The following RALGPS1 variants were observed in gnomAD, a reference collection of about 807,000 sequenced individuals.
The protein encoded by RALGPS1 is ras-specific guanine nucleotide-releasing factor RalGPS1.
A neutral mutation model predicts 78.8 loss-of-function variants in RALGPS1; 19 were observed. The observed-to-expected ratio is 0.24, with a 90% confidence interval of 0.17 to 0.35. The LOEUF (loss-of-function observed/expected upper bound fraction) is 0.35. Ranked by LOEUF, RALGPS1 falls within the 10% of genes least tolerant of loss-of-function variation. The pLI is 1.00. For missense variants in RALGPS1, 454 were observed against 688.3 expected, an observed-to-expected ratio of 0.66 and a Z score of 3.81; for synonymous variants, 228 against 256.3, an observed-to-expected ratio of 0.89 and a Z score of 1.06.
chr9:127,057,710 A>C (rs1192387100), intron 7 of RALGPS1, among the ~76,000 whole-genome samples: 30 of 152,234 alleles, frequency 2.0e-4, no homozygotes, highest in Admixed American at 2.0e-3. Flanking sequence ...TTTCCTGAGT[A>C]CACATCACCG....
In RALGPS1 at chr9:126,993,272, T is replaced by C. The variant is rs144529066; in HGVS notation, c.216+15527T>C. Reference sequence around the variant, plus strand: ...TATCTTTTTTGTATATTGTTGGATTTGATTTGTTAAAATTGTGTTTAGAAT... The same window carrying C: ...TATCTTTTTTGTATATTGTTGGATTCGATTTGTTAAAATTGTGTTTAGAAT... On this transcript the variant is annotated intron_variant, in intron 4 of 18. Transcript: ENST00000259351. 8.0e-3 allele frequency among the ~76,000 whole-genome samples: 1,214 copies of C among 152,360 alleles called. 23 individuals are homozygous for C. Among genetic ancestry groups the C allele is most frequent in the African/African-American group, 0.028 (1,147 of 41,584 alleles).
Position 126,958,142 on chromosome 9 carries a change from A to AAAAAAAAAATAT in RALGPS1, c.-65-4082_-65-4081insAAAAAAAATATA, listed in dbSNP as rs113413659. Among the ~76,000 whole-genome samples, 357 of 76,788 alleles carry AAAAAAAAAATAT rather than the reference A, an allele frequency of 4.6e-3. 2 individuals carry two copies. Among genetic ancestry groups the AAAAAAAAAATAT allele is most frequent in the Non-Finnish European group, 6.5e-3 (233 of 36,114 alleles). The allele number at this position is 76,788 out of a possible 152,430, so 50.4% of individuals were successfully genotyped here. On this transcript the variant is annotated intron_variant, in intron 1 of 18. Transcript: ENST00000259351. Reference sequence around the variant, plus strand: ...CTGTCTCTTTAAAAAAAAAAAAAAAAATATATATATATATATACACACACA... The same window carrying AAAAAAAAAATAT: ...CTGTCTCTTTAAAAAAAAAAAAAAAAAAAAAAAAATATATATATATATATATATACACACACA...
Position 126,962,274 on chromosome 9 carries a change from C to T in RALGPS1, c.-16C>T, listed in dbSNP as rs200893745. 193 of 1,614,060 alleles carry T rather than the reference C, an allele frequency of 1.2e-4. 1 individual carries two copies. In the East Asian group the frequency reaches 3.9e-3, roughly 33 times the overall value. The stretch of plus-strand genomic sequence containing the variant: ...CCTGCAGAGGCTGCCCTGAAGCTCC[C>T]TGTGGCCTGGAGACTATGTACAAGA... On this transcript the variant is annotated 5_prime_UTR_variant, in exon 2 of 19. Transcript: ENST00000259351.
intron 5 of RALGPS1, among the ~76,000 whole-genome samples, chr9:127,043,612 T>C (rs1246411271): frequency 1.3e-5 from 2 of 152,186 alleles, no homozygotes; most frequent in Non-Finnish European, 1.5e-5. Flanking sequence ...GTTGGAACTT[T>C]ATGAAAATTA....
At chr9:127,192,350 A>G (rs906425591) in intron 11 of RALGPS1, among the ~76,000 whole-genome samples, 12 of 152,248 alleles carry the variant, frequency 7.9e-5, no homozygotes, top group African/African-American at 2.9e-4. Context: ...CGACTGGGCA[A>G]CCCACAGTGC....
chr9:127,126,166 C>T (rs531936905), intron 8 of RALGPS1, among the ~76,000 whole-genome samples: 9 of 152,056 alleles, frequency 5.9e-5, no homozygotes, highest in African/African-American at 2.2e-4. Flanking sequence ...CAACTCCCTG[C>T]TACCTTCAGT....
chr9:127,134,056 G>A (rs1222892706), intron 8 of RALGPS1, among the ~76,000 whole-genome samples: 8 of 151,682 alleles, frequency 5.3e-5, no homozygotes, highest in African/African-American at 1.7e-4. Flanking sequence ...GGAGCTTCAC[G>A]TAAGAAAGAA....
intron 8 of RALGPS1, chr9:127,088,872 G>A (rs2052089713): frequency 6.3e-7 from 1 of 1,578,928 alleles, no homozygotes; most frequent in African/African-American, 1.3e-5. Context: ...TGTTCTTTGT[G>A]CTGTGGCCAG....
At chr9:127,006,408 G>A (rs757992613) in intron 4 of RALGPS1, among the ~76,000 whole-genome samples, 9 of 152,314 alleles carry the variant, frequency 5.9e-5, no homozygotes, top group Non-Finnish European at 1.3e-4. Context: ...AATAGGCTTT[G>A]GGAGTGGTGA....
At chr9:127,135,603 C>T (rs913641511) in intron 8 of RALGPS1, among the ~76,000 whole-genome samples, 2 of 152,224 alleles carry the variant, frequency 1.3e-5, no homozygotes, top group Non-Finnish European at 2.9e-5. Context: ...CCACCTACTT[C>T]TGAGGGAACC....
At chr9:126,942,242 G>C (rs2036860596) in intron 1 of RALGPS1, among the ~76,000 whole-genome samples, 1 of 150,426 alleles carries the variant, frequency 6.6e-6, no homozygotes, top group African/African-American at 2.4e-5. Context: ...TTTTAATGTA[G>C]CTAAATCTAC....
chr9:127,127,423 C>G (rs2056697472), intron 8 of RALGPS1, among the ~76,000 whole-genome samples: 1 of 152,322 alleles, frequency 6.6e-6, no homozygotes, highest in East Asian at 1.9e-4. Context: ...AATTTGTTTT[C>G]TCACCCAAAC....
At chr9:127,216,920 T>C (rs2062618653) in intron 18 of RALGPS1, 2 of 1,546,828 alleles carry the variant, frequency 1.3e-6, no homozygotes, top group Non-Finnish European at 1.7e-6. Context: ...CCGGAGCAGC[T>C]CCAGGTCCAA....
intron 8 of RALGPS1, among the ~76,000 whole-genome samples, chr9:127,073,588 C>G (rs1031456297): frequency 3.9e-5 from 6 of 152,036 alleles, no homozygotes; most frequent in African/African-American, 1.5e-4. Flanking sequence ...AAGTACAGTA[C>G]TGGTTTCTTT....
chr9:127,081,708 C>A (rs952021920), intron 8 of RALGPS1, among the ~76,000 whole-genome samples: 1 of 152,220 alleles, frequency 6.6e-6, no homozygotes. Flanking sequence ...TCCAAGGAGC[C>A]CTCTCCTGGT....
intron 8 of RALGPS1, among the ~76,000 whole-genome samples, chr9:127,153,643 T>C (rs986053855): frequency 6.6e-6 from 1 of 152,186 alleles, no homozygotes; most frequent in Non-Finnish European, 1.5e-5. Context: ...TGCAGCTTCC[T>C]CTCCCCAATG....
intron 8 of RALGPS1, among the ~76,000 whole-genome samples, chr9:127,113,529 A>G (rs1367465154): frequency 3.0e-5 from 3 of 98,512 alleles, no homozygotes; most frequent in Non-Finnish European, 5.7e-5. Flanking sequence ...CATTCCAGCC[A>G]TCTTAGGACT....
intron 8 of RALGPS1, among the ~76,000 whole-genome samples, chr9:127,141,741 A>G (rs984567377): frequency 6.6e-6 from 1 of 152,080 alleles, no homozygotes; most frequent in Non-Finnish European, 1.5e-5. Context: ...ATTTTTTCCC[A>G]AGTAAGGACA....
intron 7 of RALGPS1, among the ~76,000 whole-genome samples, chr9:127,062,359 A>G (rs900503353): frequency 2.0e-5 from 3 of 152,128 alleles, no homozygotes; most frequent in Middle Eastern, 3.2e-3. Context: ...CAGCCTCCCA[A>G]AGTGCTGGGA....
Sources: allele counts gnomAD v4.1 joint callset (sites outside exome capture counted in the v4.1 genomes callset), GRCh38; gene constraint gnomAD v4.1.1; transcripts MANE v1.5; gene names NCBI Gene and HGNC (gene_info 2026-07-23, HGNC 2026-07-21).